Variants in FAM186A observed in about 807,000 individuals in gnomAD.
FAM186A encodes protein FAM186A.
A neutral mutation model predicts 216.8 loss-of-function variants in FAM186A; 163 were observed. The ratio of observed to expected loss-of-function variants is 0.75; its 90% confidence interval spans 0.66 to 0.86. FAM186A has a LOEUF of 0.86. Among genes scored for constraint, FAM186A ranks in the 40% least tolerant of loss-of-function variants. The pLI, the probability that FAM186A is intolerant of heterozygous loss-of-function variation, is 0.00. For synonymous variants in FAM186A, 805 were observed against 1,025.3 expected (o/e 0.79, Z 4.10); for missense variants, 2,184 against 2,746.2 (o/e 0.80, Z 4.58).
chr12:50,360,938 T>C lies in FAM186A; in HGVS notation c.413-12A>G. ...AGACAAAACATCATCTTGAAGAGAG[T>C]AAAAAAAAAATCATTTTTGTGCAGA... On this transcript the variant is annotated splice_polypyrimidine_tract_variant and intron_variant, in intron 2 of 7. Transcript: ENST00000327337. The C allele has an allele frequency of 6.3e-6, 9 of 1,431,220 alleles. No individual in the cohort carries two copies. The highest frequency in any genetic ancestry group is 8.4e-6 in the Non-Finnish European group (9 of 1,074,008). The allele number at this position is 1,431,220 out of a possible 1,614,324, so 88.7% of individuals were successfully genotyped here. A position where few individuals can be genotyped will look rare whatever the true frequency, so the allele number is the denominator to read the frequency against.
rs77002718 is a variant in FAM186A at position 50,354,272 on chromosome 12, A to G, written c.2560T>C (p.Tyr854His). ...TCCCAATTCTCACTTATCTTCTCAT[A>G]GTGCTCCTTCAAGAGATTTCTTTCT... The part of the protein sequence containing the change: ...LGERNLLKEH[Y>H]EKISENWEEK... The change falls in exon 4 of 8, where the codon TAT (tyrosine) becomes CAT (histidine). Residue 854 changes from tyrosine (Y) to histidine (H), a missense_variant. Physicochemically the swap from Tyr to His is moderately conservative, Grantham distance 83. Coordinates refer to ENST00000327337, the MANE Select transcript of FAM186A (RefSeq NM_001145475.3). 8,512 of 1,551,414 alleles carry G rather than the reference A, an allele frequency of 5.5e-3. 412 individuals are homozygous for G. In the African/African-American group the frequency reaches 0.1, roughly 19 times the overall value.
At chr12:50,385,059 C>G (rs1943289025) in intron 1 of FAM186A, among the ~76,000 whole-genome samples, 1 of 150,512 alleles carries the variant, frequency 6.6e-6, no homozygotes, top group Non-Finnish European at 1.5e-5. Context: ...CCCGCCTTGG[C>G]CTCCCAAAGT....
chr12:50,360,516 C>T (rs547644177), intron 3 of FAM186A, among the ~76,000 whole-genome samples: 17 of 151,418 alleles, frequency 1.1e-4, no homozygotes, highest in African/African-American at 4.1e-4. Flanking sequence ...GAAACCCTGT[C>T]TCTACTAAAA....
Position 50,354,185 on chromosome 12 carries a change from A to T in FAM186A, c.2647T>A (p.Trp883Arg), listed in dbSNP as rs1592611701. 9 of 1,551,418 alleles carry T rather than the reference A, an allele frequency of 5.8e-6. No individual in the cohort carries two copies. The African/African-American group carries it at 9.6e-5, about 17-fold the overall frequency. ...GKQEQQSQKQ[W>R]QEEEMWKEEQ... The stretch of plus-strand genomic sequence containing the variant: ...TCCTTCCACATCTCTTCTTCCTGCC[A>T]CTGTTTCTGGCTCTGTTGTTCTTGC... The change falls in exon 4 of 8, where the codon TGG becomes AGG. Residue 883 changes from tryptophan to arginine, a missense_variant. By Grantham distance (101) the Trp-to-Arg change is moderately radical. Coordinates refer to ENST00000327337, the MANE Select transcript of FAM186A (RefSeq NM_001145475.3).
At chr12:50,373,006 A>G (rs796703776) in intron 1 of FAM186A, among the ~76,000 whole-genome samples, 11,077 of 58,738 alleles carry the variant, frequency 0.19, 1,904 homozygotes, top group Non-Finnish European at 0.23. Context: ...AATGAAAGAA[A>G]GAAAGAAAGA....
At chr12:50,384,829 T>G (rs1277727956) in intron 1 of FAM186A, among the ~76,000 whole-genome samples, 1 of 152,014 alleles carries the variant, frequency 6.6e-6, no homozygotes, top group East Asian at 1.9e-4. Context: ...TTTTTGAGAC[T>G]GAGTCTTGCT....
At chr12:50,370,040 C>T (rs1025964670) in intron 1 of FAM186A, among the ~76,000 whole-genome samples, 2 of 141,494 alleles carry the variant, frequency 1.4e-5, no homozygotes, top group Admixed American at 1.6e-4. Context: ...AGGAGAATGG[C>T]GTGAACCCGG....
intron 1 of FAM186A, among the ~76,000 whole-genome samples, chr12:50,374,379 C>A (rs1356843882): frequency 1.3e-5 from 2 of 151,380 alleles, no homozygotes; most frequent in African/African-American, 4.9e-5. Flanking sequence ...TTCAAAAATT[C>A]TGGGACAGAT....
At chr12:50,363,989 A>C (rs1943063199) in intron 1 of FAM186A, among the ~76,000 whole-genome samples, 1 of 152,164 alleles carries the variant, frequency 6.6e-6, no homozygotes, top group Non-Finnish European at 1.5e-5. Context: ...CTATCCTAGA[A>C]ATTTTTTACG....
Position 50,351,032 on chromosome 12 carries a change from G to C in FAM186A, c.5800C>G (p.Leu1934Val). 6.4e-7 allele frequency: 1 copy of C among 1,551,482 alleles called. No homozygotes were observed. The highest frequency in any genetic ancestry group is 8.7e-7 in the Non-Finnish European group (1 of 1,146,930). ...IPPTSRHPPT[L>V]WPSPAPGKPQ... ...TTTCCAGGGGCTGGGGACGGCCATA[G>C]TGTGGGAGGATGTCTAGAGGTGGGA... The change falls in exon 4 of 8, where the codon CTA becomes GTA. Residue 1934 changes from leucine to valine, a missense_variant. Physicochemically the swap from Leu to Val is conservative, Grantham distance 32. Transcript: ENST00000327337.
At chr12:50,343,411 G>T (rs1219806293) in intron 4 of FAM186A, among the ~76,000 whole-genome samples, 4 of 152,140 alleles carry the variant, frequency 2.6e-5, no homozygotes, top group South Asian at 4.2e-4. Context: ...AACATTCAGG[G>T]TTTTTTTATT....
Position 50,351,394 on chromosome 12 carries a change from A to T in FAM186A, c.5438T>A (p.Phe1813Tyr), listed in dbSNP as rs1425827337. The change falls in exon 4 of 8, where the codon TTC becomes TAC. Residue 1813 changes from phenylalanine to tyrosine, a missense_variant. Physicochemically the swap from Phe to Tyr is conservative, Grantham distance 22. This residue lies in a region of FAM186A where 721 missense variants were observed against 816.4 expected (regional missense o/e 0.88). Transcript: ENST00000327337. ...VYGGQSTSAQ[F>Y]PAPQAPPSPG... ...GGAGGGAGGGGCCTGTGGTGCCGGG[A>T]ACTGCGCAGAAGTGGATTGACCTCC... is the stretch of plus-strand genomic sequence containing the variant. 2.0e-6 allele frequency: 3 copies of T among 1,469,794 alleles called. No individual in the cohort carries two copies. The highest frequency in any genetic ancestry group is 2.7e-6 in the Non-Finnish European group (3 of 1,111,990). 91.0% of individuals were successfully genotyped at this position (1,469,794 alleles called of 1,614,324 possible). A position where few individuals can be genotyped will look rare whatever the true frequency, so the allele number is the denominator to read the frequency against.
chr12:50,392,622 C>T (rs1316567685), intron 1 of FAM186A: 1 of 148,070 alleles, frequency 6.8e-6, no homozygotes, highest in Non-Finnish European at 1.5e-5. Context: ...TTTTTTGAGA[C>T]GGAGTCTCGC....
At chr12:50,372,331 A>T in intron 1 of FAM186A, among the ~76,000 whole-genome samples, 1 of 151,830 alleles carries the variant, frequency 6.6e-6, no homozygotes, top group Non-Finnish European at 1.5e-5. Context: ...CAGTGGCTCA[A>T]GCCTGTAATC....
At chr12:50,386,939 G>GT (rs911094799) in intron 1 of FAM186A, among the ~76,000 whole-genome samples, 36 of 150,476 alleles carry the variant, frequency 2.4e-4, no homozygotes, top group South Asian at 4.2e-4. Flanking sequence ...AAAACTTTCA[G>GT]TTTTTTTTTC....
At chr12:50,340,763 A>T (rs145607380) in intron 4 of FAM186A, among the ~76,000 whole-genome samples, 1 of 150,918 alleles carries the variant, frequency 6.6e-6, no homozygotes, top group Non-Finnish European at 1.5e-5. Flanking sequence ...TTCAATATAT[A>T]TGGAAACAAA....
At chr12:50,388,585 C>T (rs576989606) in intron 1 of FAM186A, among the ~76,000 whole-genome samples, 1 of 150,056 alleles carries the variant, frequency 6.7e-6, no homozygotes, top group Non-Finnish European at 1.5e-5. Context: ...CACCATTGCA[C>T]TCCAGTGTGG....
At position 50,396,584 on chromosome 12, in the gene FAM186A, T is replaced by C; in HGVS notation, c.-100A>G. The C allele has an allele frequency of 8.3e-7, 1 of 1,199,518 alleles. No individual in the cohort carries two copies. Among genetic ancestry groups the C allele is most frequent in the Non-Finnish European group, 1.1e-6 (1 of 873,640 alleles). The allele number at this position is 1,199,518 out of a possible 1,614,324, so 74.3% of individuals were successfully genotyped here. A position where few individuals can be genotyped will look rare whatever the true frequency, so the allele number is the denominator to read the frequency against. Reference sequence around the variant, plus strand: ...GTAGGAAGCTAGGAGAGGTCTTTCCTGATCCTAGAAGTTGTGGCATACTCT... The same window carrying C: ...GTAGGAAGCTAGGAGAGGTCTTTCCCGATCCTAGAAGTTGTGGCATACTCT... On this transcript the variant is annotated 5_prime_UTR_variant, in exon 1 of 8. Coordinates refer to ENST00000327337, the MANE Select transcript of FAM186A (RefSeq NM_001145475.3).
chr12:50,342,165 G>T (rs1199895624), intron 4 of FAM186A, among the ~76,000 whole-genome samples: 1 of 151,842 alleles, frequency 6.6e-6, no homozygotes, highest in African/African-American at 2.4e-5. Flanking sequence ...CATGGCGGCG[G>T]CGTGCCTGTA....
Sources: gnomAD v4.1 joint callset for allele counts (sites outside exome capture counted in the v4.1 genomes callset) on GRCh38, gnomAD v4.1.1 for gene constraint, gnomAD v4.1.1 regional missense constraint, MANE v1.5 for transcripts, NCBI Gene and HGNC (gene_info 2026-07-23, HGNC 2026-07-21) for gene names.